The following CPXM2 variants were observed in gnomAD, a reference collection of about 807,000 sequenced individuals.
CPXM2 encodes carboxypeptidase X, M14 family member 2.
Under a neutral mutation model 86.1 loss-of-function variants are expected in CPXM2, and 66 were observed. That is an observed-to-expected ratio of 0.77 (90% CI 0.63 to 0.94). The LOEUF is 0.94. Ranked by LOEUF, CPXM2 falls within the 40% of genes least tolerant of loss-of-function variation. The pLI is 0.00. For missense variants in CPXM2, 948 were observed against 1,026.3 expected (o/e 0.92, Z 1.04); for synonymous variants, 388 against 400.2 (o/e 0.97, Z 0.36).
rs141108542 is a variant in CPXM2, at chr10:123,856,241, C to T, written c.513+6373G>A. ...TGGTGTTTCATTTCTTCTGATCACACGTCAGACCCTGACTGACTTACTGTA... is the reference window on the plus strand; with the variant it reads ...TGGTGTTTCATTTCTTCTGATCACATGTCAGACCCTGACTGACTTACTGTA... On this transcript the variant is annotated intron_variant, in intron 3 of 13. Coordinates refer to ENST00000241305, the MANE Select transcript of CPXM2 (RefSeq NM_198148.3). Among the ~76,000 whole-genome samples, 1,063 of 152,320 alleles carry T rather than the reference C, an allele frequency of 7.0e-3. 7 individuals are homozygous for T. The highest frequency in any genetic ancestry group is 0.061 in the Middle Eastern group (18 of 294).
chr10:123,750,972 G>C (rs570073677), intron 13 of CPXM2: 2 of 985,420 alleles, frequency 2.0e-6, no homozygotes, highest in South Asian at 9.4e-5. Context: ...GCAGTGTTGG[G>C]CTGTTGTCCC....
intron 4 of CPXM2, among the ~76,000 whole-genome samples, chr10:123,820,595 A>G (rs1847904858): frequency 6.6e-6 from 1 of 152,226 alleles, no homozygotes; most frequent in African/African-American, 2.4e-5. Context: ...CTTCTGTATC[A>G]GTGCTGCAGG....
intron 4 of CPXM2, among the ~76,000 whole-genome samples, chr10:123,802,565 TGAGTA>T (rs1265187588): frequency 6.6e-6 from 1 of 152,226 alleles, no homozygotes; most frequent in African/African-American, 2.4e-5. Context: ...AATGGGGATT[TGAGTA>T]GTTTCCAGTT....
intron 10 of CPXM2, among the ~76,000 whole-genome samples, chr10:123,763,362 A>G (rs2133991240): frequency 6.6e-6 from 1 of 152,200 alleles, no homozygotes; most frequent in African/African-American, 2.4e-5. Context: ...CCCACCATCC[A>G]ACCACAGACC....
At chr10:123,862,201 A>G (rs1848864348) in intron 3 of CPXM2, among the ~76,000 whole-genome samples, 2 of 152,208 alleles carry the variant, frequency 1.3e-5, no homozygotes. Flanking sequence ...AAAGCCTGGA[A>G]GGTGTGTGTG....
chr10:123,842,216 A>G (rs1564793639), intron 4 of CPXM2, 133 bp downstream of exon 4: 3 of 1,211,706 alleles, frequency 2.5e-6, no homozygotes, highest in Non-Finnish European at 3.5e-6. Context: ...CCTCCTGTTC[A>G]TATTCCAATT....
chr10:123,757,321 G>A lies in CPXM2; in HGVS notation c.1809C>T (p.Asn603=), dbSNP rs1460843908. ...CCACGTAGATGGACAGTTCGAAGCA[G>A]TTTGTATGAAGGTAGCTGAAATCGT... ...SLNDFSYLHT[N]CFELSIYVGC... The change falls in exon 12 of 14, where the codon AAC becomes AAT. Residue 603 remains asparagine (N), a synonymous_variant. Coordinates refer to ENST00000241305, the MANE Select transcript of CPXM2 (RefSeq NM_198148.3). The A allele has an allele frequency of 6.2e-7, 1 of 1,613,656 alleles. No individual in the cohort carries two copies. The highest frequency in any genetic ancestry group is 1.3e-5 in the African/African-American group (1 of 74,914).
At chr10:123,942,573 A>ACC (rs1202127724), upstream of CPXM2, among the ~76,000 whole-genome samples, 1 of 152,216 alleles carries the variant, frequency 6.6e-6, no homozygotes, top group African/African-American at 2.4e-5. Context: ...TCTGGAAGTT[A>ACC]CCCTAGATTA....
intron 4 of CPXM2, among the ~76,000 whole-genome samples, chr10:123,811,604 T>G (rs2134093413): frequency 6.6e-6 from 1 of 152,260 alleles, no homozygotes; most frequent in Admixed American, 6.5e-5. Flanking sequence ...ACATTAAAAT[T>G]TAAAACTTTT....
At chr10:123,848,847 G>A (rs943930262) in intron 3 of CPXM2, among the ~76,000 whole-genome samples, 3 of 152,160 alleles carry the variant, frequency 2.0e-5, no homozygotes, top group African/African-American at 7.2e-5. Context: ...AGTTAGGTCA[G>A]TTGATCTATA....
chr10:123,883,609 G>A (rs532070900), intron 1 of CPXM2, among the ~76,000 whole-genome samples: 1 of 152,368 alleles, frequency 6.6e-6, no homozygotes, highest in Non-Finnish European at 1.5e-5. Context: ...AACAGCTAAT[G>A]TGCATAGCAT....
At chr10:123,773,242 G>C (rs1046787789) in intron 7 of CPXM2, among the ~76,000 whole-genome samples, 1 of 130,672 alleles carries the variant, frequency 7.7e-6, no homozygotes, top group Non-Finnish European at 1.7e-5. Flanking sequence ...CACTTCCCTG[G>C]TTGTGGTTAT....
intron 4 of CPXM2, among the ~76,000 whole-genome samples, chr10:123,813,749 A>G (rs1428449926): frequency 6.6e-6 from 1 of 152,202 alleles, no homozygotes; most frequent in Non-Finnish European, 1.5e-5. Flanking sequence ...TAGAGATGAG[A>G]CTTTTGGAAG....
intron 1 of CPXM2, among the ~76,000 whole-genome samples, chr10:123,883,919 G>A (rs1945137445): frequency 1.3e-5 from 2 of 152,176 alleles, no homozygotes; most frequent in Non-Finnish European, 2.9e-5. Flanking sequence ...GATCAAGCCA[G>A]CATCTCCATC....
intron 2 of CPXM2, among the ~76,000 whole-genome samples, chr10:123,873,840 T>A (rs1944933305): frequency 6.6e-6 from 1 of 150,870 alleles, no homozygotes; most frequent in Non-Finnish European, 1.5e-5. Flanking sequence ...ACAACAGAAA[T>A]TTATTTCTCA....
At chr10:123,825,301 T>C (rs779425065) in intron 4 of CPXM2, among the ~76,000 whole-genome samples, 1 of 152,162 alleles carries the variant, frequency 6.6e-6, no homozygotes, top group African/African-American at 2.4e-5. Context: ...TCTTGGGTCA[T>C]GCATGATGAG....
intron 2 of CPXM2, among the ~76,000 whole-genome samples, chr10:123,877,336 T>C (rs1417966728): frequency 6.6e-6 from 1 of 152,238 alleles, no homozygotes; most frequent in Non-Finnish European, 1.5e-5. Context: ...TTTATCTTCA[T>C]TGTATTGGTC....
intron 2 of CPXM2, 66 bp downstream of exon 2, chr10:123,880,145 T>TTGGGGGGC: frequency 8.3e-5 from 34 of 407,566 alleles, no homozygotes; most frequent in Middle Eastern, 9.2e-4. Context: ...CAGGGGCCTG[T>TTGGGGGGC]ACCCACCCAC....
At chr10:123,832,995 G>C (rs1414825727) in intron 4 of CPXM2, among the ~76,000 whole-genome samples, 1 of 152,122 alleles carries the variant, frequency 6.6e-6, no homozygotes, top group East Asian at 1.9e-4. Context: ...GCAGCAACAA[G>C]GCGCCATCTG....
Sources: allele counts gnomAD v4.1 joint callset (sites outside exome capture counted in the v4.1 genomes callset), GRCh38; gene constraint gnomAD v4.1.1; transcripts MANE v1.5; gene names NCBI Gene and HGNC (gene_info 2026-07-23, HGNC 2026-07-21).